The following MIB2 variants were observed in gnomAD, a reference collection of about 807,000 sequenced individuals.
MIB2 encodes MIB E3 ubiquitin protein ligase 2.
MIB2 carries 78 observed loss-of-function variants against 96.6 expected under a neutral mutation model. The ratio of observed to expected loss-of-function variants is 0.81; its 90% CI spans 0.67 to 0.97. The LOEUF is 0.97. MIB2 is among the 50% of genes least tolerant of loss of function. The pLI is 0.00. For missense variants in MIB2, 1,543 were observed against 1,424.0 expected, an observed-to-expected ratio of 1.08 and a Z score of -1.35; for synonymous variants, 820 against 629.5, an observed-to-expected ratio of 1.30 and a Z score of -4.53.
At position 1,626,554 on chromosome 1, in the gene MIB2, C is replaced by A; in HGVS notation, c.973-96C>A. ...GGGGCCGGGGCCGAGTCAGGCCTGC[C>A]TGTCTCGTGGAGCTCAGCAGGTTGC... On this transcript the variant is annotated intron_variant, in intron 8 of 19. Coordinates refer to ENST00000355826, the MANE Select transcript of MIB2 (RefSeq NM_001170687.4). This position sits in a 1 kb window ranked among gnomAD's most constrained non-coding sequence, Gnocchi z 5.3. 1 of 1,094,666 alleles carries A rather than the reference C, an allele frequency of 9.1e-7. No individual in the cohort carries two copies. Among genetic ancestry groups the A allele is most frequent in the Non-Finnish European group, 1.3e-6 (1 of 780,388 alleles). 67.8% of individuals were successfully genotyped at this position (1,094,666 alleles called of 1,614,324 possible).
At chr1:1,619,988 C>T (rs1644106714) in intron 2 of MIB2, among the ~76,000 whole-genome samples, 1 of 152,248 alleles carries the variant, frequency 6.6e-6, no homozygotes, top group Non-Finnish European at 1.5e-5. Flanking sequence ...CTTGGCACTC[C>T]ACCCCACTGC....
upstream of MIB2, chr1:1,614,299 C>G (rs1643414604): frequency 6.6e-6 from 1 of 152,246 alleles, no homozygotes; most frequent in African/African-American, 2.4e-5. Flanking sequence ...TCCTGCACGT[C>G]CTGCACGTTT....
At chr1:1,623,089 C>T in intron 2 of MIB2, 3 of 465,522 alleles carry the variant, frequency 6.4e-6, no homozygotes, top group Non-Finnish European at 1.1e-5. Flanking sequence ...GTGTCCAGCT[C>T]ATTAATTGGC....
In MIB2 at chr1:1,627,152, T is replaced by C; in HGVS notation, c.1319T>C (p.Val440Ala). ...PEHPGRLVVEVALGNAARALD... is the reference protein window; with the variant it reads ...PEHPGRLVVEAALGNAARALD... ...CACCCGGGAAGGCTGGTGGTGGAGG[T>C]GGCGCTGGGTAACGCAGCCCGGGCT... The change falls in exon 11 of 20, where the codon GTG becomes GCG. Residue 440 changes from valine (V) to alanine (A), a missense_variant. Coordinates refer to ENST00000355826, the MANE Select transcript of MIB2 (RefSeq NM_001170687.4). 2 of 1,591,700 alleles carry C rather than the reference T, an allele frequency of 1.3e-6. No homozygotes were observed. The highest frequency in any genetic ancestry group is 1.7e-6 in the Non-Finnish European group (2 of 1,169,658).
At chr1:1,614,217 A>C (rs1643408967), upstream of MIB2, 2 of 152,264 alleles carry the variant, frequency 1.3e-5, no homozygotes, top group Admixed American at 1.3e-4. Context: ...TCCCTAAACA[A>C]ATGGAGTCGG....
In MIB2 at chr1:1,629,321, T is replaced by C; in HGVS notation, c.2381+10T>C. On this transcript the variant is annotated intron_variant, in intron 17 of 19. Transcript: ENST00000355826. ...GCGCCCAGCGCTTCCGGTGAGTCCGTGGACGGCGGGGATGGGGTCCGGCGG... is the reference window on the plus strand; with the variant it reads ...GCGCCCAGCGCTTCCGGTGAGTCCGCGGACGGCGGGGATGGGGTCCGGCGG... The C allele has an allele frequency of 6.8e-7, 1 of 1,476,000 alleles. No homozygotes were observed. 91.4% of individuals were successfully genotyped at this position (1,476,000 alleles called of 1,614,324 possible). A position where few individuals can be genotyped will look rare whatever the true frequency, so the allele number is the denominator to read the frequency against.
rs1638298455 is a variant in MIB2 at position 1,629,552 on chromosome 1, G to A, written c.2549G>A (p.Arg850His). The A allele has an allele frequency of 6.4e-7, 1 of 1,553,886 alleles. No individual in the cohort carries two copies. Among genetic ancestry groups the A allele is most frequent in the East Asian group, 2.4e-5 (1 of 41,160 alleles). Residue 850 changes from arginine to histidine, a missense_variant, in exon 18 of 20, where the codon CGC (arginine) becomes CAC (histidine). Transcript: ENST00000355826. The stretch of plus-strand genomic sequence containing the variant: ...GTGCTGTTCTCGCCGTGCCAGCACC[G>A]CACCGTGTGTGAGGGTGAGTGGGGG... ...LLVLFSPCQH[R>H]TVCEECARRM...
intron 2 of MIB2, 73 bp from the exon 3 acceptor site, chr1:1,623,358 A>C: frequency 6.4e-7 from 1 of 1,566,754 alleles, no homozygotes; most frequent in Non-Finnish European, 8.6e-7. Flanking sequence ...GGAGTGTCCC[A>C]TGGTGGCCTG....
Position 1,627,683 on chromosome 1 carries a change from G to A in MIB2, c.1534G>A (p.Glu512Lys), listed in dbSNP as rs1013517637. ...LHYAALGNQP[E>K]ATRVLLSAGC... The stretch of plus-strand genomic sequence containing the variant: ...TTCCTCTCCTGTCAGGAACCAGCCC[G>A]AGGCCACCAGGGTGCTCCTGAGTGC... Residue 512 changes from glutamate (E) to lysine (K), a missense_variant, in exon 13 of 20, where the codon GAG becomes AAG. Coordinates refer to ENST00000355826, the MANE Select transcript of MIB2 (RefSeq NM_001170687.4). 4.4e-6 allele frequency: 7 copies of A among 1,593,814 alleles called. No homozygotes were observed. Among genetic ancestry groups the A allele is most frequent in the Middle Eastern group, 1.7e-4 (1 of 6,036 alleles).
chr1:1,623,887 C>A lies in MIB2; in HGVS notation c.361C>A (p.His121Asn). Residue 121 changes from histidine to asparagine, a missense_variant, in exon 4 of 20, where the codon CAC (histidine) becomes AAC (asparagine). Physicochemically the swap from His to Asn is moderately conservative, Grantham distance 68 (BLOSUM62 1). Transcript: ENST00000355826. ...DYDLCTQCYM[H>N]NKHELAHAFD... ...CGACCTCTGCACGCAGTGCTACATG[C>A]ACAACAAGCATGAGCTCGCCCACGC... The A allele has an allele frequency of 1.2e-6, 2 of 1,612,142 alleles. No individual in the cohort carries two copies. Among genetic ancestry groups the A allele is most frequent in the Non-Finnish European group, 8.5e-7 (1 of 1,179,564 alleles).
chr1:1,617,947 T>C (rs1643900253), intron 2 of MIB2: 1 of 152,246 alleles, frequency 6.6e-6, no homozygotes, highest in African/African-American at 2.4e-5. Context: ...AAGATACCCA[T>C]TGTGGGGCAG....
In MIB2 at chr1:1,629,729, C is replaced by G. The variant is rs1239521489; in HGVS notation, c.2629+25C>G. On this transcript the variant is annotated intron_variant, in intron 19 of 19. Coordinates refer to ENST00000355826, the MANE Select transcript of MIB2 (RefSeq NM_001170687.4). ...GGTGGGTGAGGCTCTGCGCCCCCAA[C>G]ACGCCTCCTGCTCAGCTGGTGGCCC... 3 of 1,564,708 alleles carry G rather than the reference C, an allele frequency of 1.9e-6. No individual in the cohort carries two copies. The African/African-American group carries it at 4.1e-5, about 22-fold the overall frequency.
Position 1,625,661 on chromosome 1 carries a change from G to T in MIB2, c.972+8G>T, listed in dbSNP as rs1394911322. The T allele has an allele frequency of 1.9e-6, 3 of 1,551,762 alleles. No individual in the cohort carries two copies. In the African/African-American group the frequency reaches 4.1e-5, roughly 21 times the overall value. ...CCCGGGGCGCTCACCAAGGTGCCGG[G>T]GGGGCTGGGCTGCGCCTCATCTGCT... On this transcript the variant is annotated splice_region_variant and intron_variant, in intron 8 of 19. Coordinates refer to ENST00000355826, the MANE Select transcript of MIB2 (RefSeq NM_001170687.4). This position sits in a 1 kb window ranked among gnomAD's most constrained non-coding sequence, Gnocchi z 5.0.
chr1:1,629,841 C>A (rs1308117840), intron 19 of MIB2, 137 bp downstream of exon 19: 2 of 988,758 alleles, frequency 2.0e-6, no homozygotes, highest in African/African-American at 3.6e-5. Flanking sequence ...AAGGCTCACA[C>A]CCGGCCCCCC....
chr1:1,630,381 G>T lies in MIB2; in HGVS notation c.2719G>T (p.Glu907Ter). 1 of 1,555,408 alleles carries T rather than the reference G, an allele frequency of 6.4e-7. No individual in the cohort carries two copies. The change falls in exon 20 of 20, where the codon GAA becomes TAA. Residue 907 changes from glutamate (E) to a stop codon, truncating the protein, a stop_gained. Transcript: ENST00000355826. LOFTEE classifies it high-confidence loss of function. ...GCAGAGCCGCTACCGGCAGATGGAGGAACGCATCACCTGCCCCATCTGCAT... is the reference window on the plus strand; with the variant it reads ...GCAGAGCCGCTACCGGCAGATGGAGTAACGCATCACCTGCCCCATCTGCAT... ...ELQSRYRQMEERITCPICIDS... is the reference protein window; with the variant it reads ...ELQSRYRQME
At chr1:1,627,921 C>T in intron 13 of MIB2, 92 bp downstream of exon 13, 1 of 1,600,042 alleles carries the variant, frequency 6.2e-7, no homozygotes, top group East Asian at 2.2e-5. Context: ...GCTCCCTGGC[C>T]TGGGTGCCCC....
chr1:1,628,211 G>C, intron 14 of MIB2, 32 bp downstream of exon 14: 1 of 1,612,114 alleles, frequency 6.2e-7, no homozygotes. Context: ...AGCTGCAGCC[G>C]GCCTCTTGCT....
chr1:1,625,737 G>A lies in MIB2; in HGVS notation c.972+84G>A. On this transcript the variant is annotated intron_variant, in intron 8 of 19. Transcript: ENST00000355826. This position sits in a 1 kb window ranked among gnomAD's most constrained non-coding sequence, Gnocchi z 5.0. ...CCCCTTGGCCTTGGGGGGTCAGGCA[G>A]GACTAGGGTGCCAGCTGCACCCACG... 8.7e-7 allele frequency: 1 copy of A among 1,152,352 alleles called. No individual in the cohort carries two copies. Among genetic ancestry groups the A allele is most frequent in the South Asian group, 1.4e-5 (1 of 72,224 alleles). 71.4% of individuals were successfully genotyped at this position (1,152,352 alleles called of 1,614,324 possible). A position where few individuals can be genotyped will look rare whatever the true frequency, so the allele number is the denominator to read the frequency against.
chr1:1,627,807 G>A lies in MIB2; in HGVS notation c.1658G>A (p.Arg553His), dbSNP rs564788543. 159 of 1,599,262 alleles carry A rather than the reference G, an allele frequency of 9.9e-5. No homozygotes were observed. Among genetic ancestry groups the A allele is most frequent in the Admixed American group, 3.5e-4 (21 of 59,896 alleles). ...FLEVVRALCE[R>H]GCDVNLPDAH... ...GAGGTGGTGCGGGCCCTGTGTGAGC[G>A]CGGCTGTGACGTCAACCTGCCCGTG... Residue 553 changes from arginine (R) to histidine (H), a missense_variant, in exon 13 of 20, where the codon CGC becomes CAC. Arg to His is a conservative substitution (Grantham distance 29). Transcript: ENST00000355826.
Sources: gnomAD v4.1 joint callset for allele counts (sites outside exome capture counted in the v4.1 genomes callset) on GRCh38, gnomAD v4.1.1 for gene constraint, Gnocchi (gnomAD v3.1) non-coding constraint, MANE v1.5 for transcripts, NCBI Gene and HGNC (gene_info 2026-07-23, HGNC 2026-07-21) for gene names.